Variants in ZMYM4 observed in about 807,000 individuals in gnomAD.
ZMYM4 encodes the protein zinc finger MYM-type containing 4, also known as zinc finger MYM-type protein 4.
A neutral mutation model predicts 183.2 loss-of-function variants in ZMYM4; 31 were observed. The ratio of observed to expected loss-of-function variants is 0.17; its 90% CI spans 0.13 to 0.23. ZMYM4 has a LOEUF of 0.23. ZMYM4 is among the 10% of genes least tolerant of loss of function. The pLI is 1.00. For missense variants in ZMYM4, 1,273 were observed against 1,840.3 expected (o/e 0.69, Z 5.64); for synonymous variants, 592 against 631.2 (o/e 0.94, Z 0.93).
chr1:35,310,378 G>T, intron 1 of ZMYM4: 1 of 243,228 alleles, frequency 4.1e-6, no homozygotes, highest in Non-Finnish European at 8.0e-6. Flanking sequence ...ATATTACAAG[G>T]GTCTCTGATC....
intron 29 of ZMYM4, 98 bp downstream of exon 29, chr1:35,418,670 C>T: frequency 2.0e-6 from 3 of 1,495,976 alleles, no homozygotes; most frequent in Non-Finnish European, 2.7e-6. Context: ...TTGCCCGTGG[C>T]TTTAGACAAG....
intron 3 of ZMYM4, among the ~76,000 whole-genome samples, chr1:35,360,774 A>T (rs1032060931): frequency 3.9e-5 from 6 of 151,972 alleles, no homozygotes; most frequent in Admixed American, 3.9e-4. Flanking sequence ...CTTAGAAGAG[A>T]GATGATTTTT....
At chr1:35,377,288 ATATCCCTC>A (rs1270965576) in intron 7 of ZMYM4, among the ~76,000 whole-genome samples, 4 of 152,378 alleles carry the variant, frequency 2.6e-5, no homozygotes, top group Admixed American at 2.6e-4. Context: ...TTCTCACTAA[ATATCCCTC>A]TATGAAATAC....
chr1:35,408,799 A>G (rs903771186), intron 26 of ZMYM4, among the ~76,000 whole-genome samples: 1 of 152,360 alleles, frequency 6.6e-6, no homozygotes, highest in African/African-American at 2.4e-5. Context: ...TATGCATAAC[A>G]TAAAATTTAC....
chr1:35,357,267 G>A (rs1371361079), intron 2 of ZMYM4, among the ~76,000 whole-genome samples: 1 of 152,104 alleles, frequency 6.6e-6, no homozygotes, highest in African/African-American at 2.4e-5. Flanking sequence ...CTTAACAAAA[G>A]GAATTTATTG....
At position 35,413,954 on chromosome 1, in the gene ZMYM4, C is replaced by G. The variant is rs1640012489; in HGVS notation, c.3949-18C>G. 8.7e-7 allele frequency: 1 copy of G among 1,151,980 alleles called. No individual in the cohort carries two copies. The highest frequency in any genetic ancestry group is 1.2e-6 in the Non-Finnish European group (1 of 828,664). The allele number at this position is 1,151,980 out of a possible 1,614,324, so 71.4% of individuals were successfully genotyped here. ...TTCTTTTTATCAACATGTATATTTT[C>G]TTTTTTTTTTCTTGTAGTACCTGTT... On this transcript the variant is annotated intron_variant, in intron 26 of 29. Transcript: ENST00000314607.
intron 1 of ZMYM4, among the ~76,000 whole-genome samples, chr1:35,282,615 G>A (rs1018513289): frequency 1.3e-5 from 2 of 152,124 alleles, no homozygotes; most frequent in African/African-American, 4.8e-5. Flanking sequence ...GAGTACAGTG[G>A]TGTGATCATG....
At chr1:35,315,420 A>T (rs1382341662) in intron 1 of ZMYM4, among the ~76,000 whole-genome samples, 4 of 152,196 alleles carry the variant, frequency 2.6e-5, no homozygotes, top group Non-Finnish European at 5.9e-5. Context: ...TACTAAAAAA[A>T]ATTACTACCA....
intron 5 of ZMYM4, among the ~76,000 whole-genome samples, chr1:35,366,313 T>C (rs1284488115): frequency 6.6e-6 from 1 of 152,226 alleles, no homozygotes. Flanking sequence ...TTCAGATCAG[T>C]AACAGTTATT....
chr1:35,415,289 G>T (rs1316588186), intron 27 of ZMYM4, among the ~76,000 whole-genome samples, 177 bp from the exon 28 acceptor site: 1 of 152,128 alleles, frequency 6.6e-6, no homozygotes, highest in East Asian at 1.9e-4. Flanking sequence ...GTCTACTTGA[G>T]TGGAATCATC....
chr1:35,373,306 A>G (rs1167156861), intron 7 of ZMYM4, among the ~76,000 whole-genome samples: 5 of 151,172 alleles, frequency 3.3e-5, no homozygotes, highest in Admixed American at 6.6e-5. Flanking sequence ...ATCTACTTCA[A>G]TATACCCAGC....
rs72897162 is a variant in ZMYM4, at chr1:35,411,558, C to G, written c.3949-2414C>G. 8.0e-3 allele frequency among the ~76,000 whole-genome samples: 1,221 copies of G among 152,274 alleles called. 21 individuals carry two copies. The highest frequency in any genetic ancestry group is 0.023 in the African/African-American group (976 of 41,560). ...TTTGAAATCAGGAAATGTGGTTCCT[C>G]AAAATTCTTTGGGCTCTTCAAGGTC... On this transcript the variant is annotated intron_variant, in intron 26 of 29. Transcript: ENST00000314607.
At chr1:35,415,016 C>T (rs1304915169) in intron 27 of ZMYM4, among the ~76,000 whole-genome samples, 3 of 152,082 alleles carry the variant, frequency 2.0e-5, no homozygotes, top group Non-Finnish European at 2.9e-5. Context: ...CCACTGCACT[C>T]CAGCCTGGGT....
intron 2 of ZMYM4, among the ~76,000 whole-genome samples, chr1:35,330,030 C>A (rs966815490): frequency 4.6e-5 from 7 of 151,996 alleles, no homozygotes; most frequent in African/African-American, 1.7e-4. Context: ...AGCCTGGGCA[C>A]ATAGCAAGAC....
At chr1:35,374,950 T>A (rs1185876663) in intron 7 of ZMYM4, among the ~76,000 whole-genome samples, 3 of 152,194 alleles carry the variant, frequency 2.0e-5, no homozygotes, top group Admixed American at 6.5e-5. Context: ...AATTGCTCTT[T>A]AAGATTATGT....
chr1:35,335,190 T>A (rs1321773412), intron 2 of ZMYM4, among the ~76,000 whole-genome samples: 1 of 152,134 alleles, frequency 6.6e-6, no homozygotes, highest in Admixed American at 6.6e-5. Context: ...AGCTTTGTAT[T>A]GTTTTTGAAT....
In ZMYM4 at chr1:35,415,430, C is replaced by CTCAGT; in HGVS notation, c.4061-35_4061-31dup. 5 of 1,613,190 alleles carry CTCAGT rather than the reference C, an allele frequency of 3.1e-6. No homozygotes were observed. The East Asian group carries it at 1.1e-4, about 36-fold the overall frequency. ...ATTACTTAGTCTACTTTAGCAGGAGCTCAGTACTGTTTCTTGTACCCCTTC... is the reference window on the plus strand; with the variant it reads ...ATTACTTAGTCTACTTTAGCAGGAGCTCAGTTCAGTACTGTTTCTTGTACCCCTTC... On this transcript the variant is annotated intron_variant, in intron 27 of 29. Transcript: ENST00000314607.
intron 2 of ZMYM4, among the ~76,000 whole-genome samples, chr1:35,326,299 A>C (rs934764047): frequency 3.3e-5 from 5 of 152,226 alleles, no homozygotes; most frequent in South Asian, 4.1e-4. Context: ...CTATACATGC[A>C]TACAAGAAAG....
At chr1:35,380,977 A>G (rs1031290334) in intron 7 of ZMYM4, among the ~76,000 whole-genome samples, 4 of 152,216 alleles carry the variant, frequency 2.6e-5, no homozygotes, top group African/African-American at 9.7e-5. Context: ...TGTAGAGATA[A>G]TGAATGCTAA....
Sources: allele counts gnomAD v4.1 joint callset (sites outside exome capture counted in the v4.1 genomes callset), GRCh38; gene constraint gnomAD v4.1.1; transcripts MANE v1.5; gene names NCBI Gene and HGNC (gene_info 2026-07-23, HGNC 2026-07-21).